DLG2: variants seen among roughly 807,000 people sequenced by gnomAD.
DLG2 encodes the protein discs large MAGUK scaffold protein 2.
In DLG2, 45 loss-of-function variants were observed where a neutral mutation model predicts 132.5. The observed-to-expected ratio is 0.34, with a 90% CI of 0.27 to 0.44. The LOEUF (loss-of-function observed/expected upper bound fraction) is 0.44. DLG2 is among the 20% of genes least tolerant of loss of function. DLG2 has a pLI of 1.00. For missense variants in DLG2, 1,045 were observed against 1,196.9 expected (o/e 0.87, Z 1.87); for synonymous variants, 424 against 419.6 (o/e 1.01, Z -0.13).
chr11:84,057,731 T>C (rs2096527604), intron 11 of DLG2, among the ~76,000 whole-genome samples: 1 of 152,168 alleles, frequency 6.6e-6, no homozygotes, highest in Non-Finnish European at 1.5e-5. Context: ...CAGGCCTTAT[T>C]CTAAATACTT....
intron 6 of DLG2, among the ~76,000 whole-genome samples, chr11:84,789,654 C>A (rs573844658): frequency 1.4e-4 from 22 of 152,098 alleles, no homozygotes; most frequent in African/African-American, 3.6e-4. Flanking sequence ...ATCTTTTATT[C>A]ATTCTTTCTA....
chr11:85,460,405 T>A (rs940172048), intron 3 of DLG2, among the ~76,000 whole-genome samples: 1 of 152,144 alleles, frequency 6.6e-6, no homozygotes, highest in African/African-American at 2.4e-5. Flanking sequence ...GTTGCAAAGG[T>A]CCATGGCAGA....
chr11:85,203,290 T>C (rs1308454263), intron 4 of DLG2, among the ~76,000 whole-genome samples: 1 of 151,096 alleles, frequency 6.6e-6, no homozygotes, highest in Non-Finnish European at 1.5e-5. Flanking sequence ...TGTAGCTAGA[T>C]TAAGACAAAA....
chr11:84,755,586 G>A (rs2066761821), intron 6 of DLG2, among the ~76,000 whole-genome samples: 1 of 152,186 alleles, frequency 6.6e-6, no homozygotes, highest in Admixed American at 6.5e-5. Flanking sequence ...ACCACGCCCG[G>A]CTAATTCTTT....
At chr11:85,209,909 C>A (rs1044973156) in intron 4 of DLG2, among the ~76,000 whole-genome samples, 1 of 152,076 alleles carries the variant, frequency 6.6e-6, no homozygotes, top group Non-Finnish European at 1.5e-5. Flanking sequence ...CCCTCAGAGG[C>A]TTTGTACCTT....
At chr11:85,262,317 C>T (rs1214516523) in intron 4 of DLG2, among the ~76,000 whole-genome samples, 1 of 152,262 alleles carries the variant, frequency 6.6e-6, no homozygotes, top group African/African-American at 2.4e-5. Flanking sequence ...AGAGCCAGTG[C>T]CCTTATACAA....
intron 18 of DLG2, among the ~76,000 whole-genome samples, chr11:83,673,019 G>A (rs1041562509): frequency 6.6e-5 from 10 of 151,996 alleles, no homozygotes; most frequent in Non-Finnish European, 1.0e-4. Flanking sequence ...CCAAGATAGC[G>A]CCACTGCACT....
At chr11:83,707,407 C>T (rs553584792) in intron 18 of DLG2, among the ~76,000 whole-genome samples, 2 of 152,334 alleles carry the variant, frequency 1.3e-5, no homozygotes, top group Admixed American at 1.3e-4. Flanking sequence ...CAGTGGCTTA[C>T]GCCTATAATC....
chr11:83,906,486 G>C (rs1379645479), intron 15 of DLG2, among the ~76,000 whole-genome samples: 1 of 151,964 alleles, frequency 6.6e-6, no homozygotes, highest in Non-Finnish European at 1.5e-5. Flanking sequence ...TAAGAAAGTT[G>C]ATCACTCATT....
chr11:84,208,171 T>A (rs1294537066), intron 8 of DLG2, among the ~76,000 whole-genome samples: 2 of 152,112 alleles, frequency 1.3e-5, no homozygotes, highest in East Asian at 3.9e-4. Flanking sequence ...TATGGCACTA[T>A]ATCTTGACTT....
intron 4 of DLG2, among the ~76,000 whole-genome samples, chr11:85,208,866 C>A (rs969338064): frequency 1.3e-5 from 2 of 152,076 alleles, no homozygotes; most frequent in Non-Finnish European, 2.9e-5. Context: ...GATAGAAGGG[C>A]TCTCCGGGGA....
intron 6 of DLG2, among the ~76,000 whole-genome samples, chr11:85,028,350 G>T (rs567961630): frequency 1.3e-5 from 2 of 152,132 alleles, no homozygotes; most frequent in African/African-American, 2.4e-5. Flanking sequence ...TGTAAGCCAC[G>T]GACTCTATGC....
intron 11 of DLG2, among the ~76,000 whole-genome samples, chr11:84,005,739 T>C (rs913193669): frequency 6.6e-6 from 1 of 151,880 alleles, no homozygotes; most frequent in Non-Finnish European, 1.5e-5. Context: ...TCATTAATCA[T>C]TAGAGAAATG....
chr11:84,378,130 G>C (rs1567464633), intron 7 of DLG2, among the ~76,000 whole-genome samples: 1 of 152,184 alleles, frequency 6.6e-6, no homozygotes, highest in Non-Finnish European at 1.5e-5. Context: ...TGTATTTGGA[G>C]ATGGGGCCCC....
intron 6 of DLG2, among the ~76,000 whole-genome samples, chr11:84,915,091 T>C (rs543072846): frequency 6.6e-6 from 1 of 152,296 alleles, no homozygotes; most frequent in South Asian, 2.1e-4. Context: ...ACTGTTGTAA[T>C]TCATCATCTT....
rs530431402 is a variant in DLG2, at chr11:83,839,151, T to C, written c.1566-5381A>G. Among the ~76,000 whole-genome samples the C allele has an allele frequency of 1.3e-3, 191 of 152,320 alleles. 5 individuals are homozygous for C. The South Asian group carries it at 0.038, about 30-fold the overall frequency. The stretch of plus-strand genomic sequence containing the variant: ...ATAATGTTTGCATGACAGTAGATTT[T>C]ATTTATTTTACCTGGACCCCATTGA... On this transcript the variant is annotated intron_variant, in intron 16 of 27. Coordinates refer to ENST00000376104, the MANE Select transcript of DLG2 (RefSeq NM_001142699.3).
intron 3 of DLG2, among the ~76,000 whole-genome samples, chr11:85,527,971 G>A (rs919300374): frequency 6.6e-6 from 1 of 151,710 alleles, no homozygotes; most frequent in Non-Finnish European, 1.5e-5. Flanking sequence ...TTTTGCATAT[G>A]CTTGTTGTCT....
rs147674381 is a variant in DLG2, at chr11:85,157,652, C to T, written c.187-3001G>A. Among the ~76,000 whole-genome samples, 12 of 152,060 alleles carry T rather than the reference C, an allele frequency of 7.9e-5. No homozygotes were observed. The South Asian group carries it at 1.9e-3, about 24-fold the overall frequency. On this transcript the variant is annotated intron_variant, in intron 4 of 27. Transcript: ENST00000376104. ...TAAATACCAGCTTCAGAAGCAGATACGGAGCCTCAAATCTGCTAAGATTAC... is the reference window on the plus strand; with the variant it reads ...TAAATACCAGCTTCAGAAGCAGATATGGAGCCTCAAATCTGCTAAGATTAC...
intron 6 of DLG2, among the ~76,000 whole-genome samples, chr11:84,854,150 G>A (rs1368878887): frequency 6.6e-6 from 1 of 151,254 alleles, no homozygotes; most frequent in Non-Finnish European, 1.5e-5. Flanking sequence ...GGACAGAAAT[G>A]TCTTCAACAA....
Sources: allele counts gnomAD v4.1 joint callset (sites outside exome capture counted in the v4.1 genomes callset), GRCh38; gene constraint gnomAD v4.1.1; transcripts MANE v1.5; gene names NCBI Gene and HGNC (gene_info 2026-07-23, HGNC 2026-07-21).